The following PRRG4 variants were observed in gnomAD, a reference collection of about 807,000 sequenced individuals.
The protein encoded by PRRG4 is transmembrane gamma-carboxyglutamic acid protein 4.
Under a neutral mutation model 20.0 loss-of-function variants are expected in PRRG4, and 12 were observed. The observed-to-expected ratio is 0.60, with a 90% confidence interval of 0.38 to 0.97. The LOEUF is 0.97. Ranked by LOEUF, PRRG4 falls within the 50% of genes least tolerant of loss-of-function variation. The pLI is 0.00. For synonymous variants in PRRG4, 94 were observed against 96.4 expected, an observed-to-expected ratio of 0.98 and a Z score of 0.15; for missense variants, 199 against 265.1, an observed-to-expected ratio of 0.75 and a Z score of 1.73.
At position 32,836,644 on chromosome 11, in the gene PRRG4, C is replaced by A; in HGVS notation, c.104-14C>A. On this transcript the variant is annotated splice_polypyrimidine_tract_variant and intron_variant, in intron 2 of 5. Transcript: ENST00000257836. ...ATTTGATCAATGTTTAAGTCTTTTTCATTACTTTATTAGTGTTTACATCAA... is the reference window on the plus strand; with the variant it reads ...ATTTGATCAATGTTTAAGTCTTTTTAATTACTTTATTAGTGTTTACATCAA... 2 of 1,449,880 alleles carry A rather than the reference C, an allele frequency of 1.4e-6. No individual in the cohort carries two copies. The highest frequency in any genetic ancestry group is 1.9e-6 in the Non-Finnish European group (2 of 1,052,956). The allele number at this position is 1,449,880 out of a possible 1,614,324, so 89.8% of individuals were successfully genotyped here.
At chr11:32,851,683 G>A (rs962306245) in intron 5 of PRRG4, among the ~76,000 whole-genome samples, 2 of 152,140 alleles carry the variant, frequency 1.3e-5, no homozygotes, top group African/African-American at 4.8e-5. Flanking sequence ...GCAGTATTTT[G>A]GGCCTGCTAA....
intron 1 of PRRG4, 35 bp from the exon 2 acceptor site, chr11:32,830,473 C>CA (rs1554973240): frequency 8.4e-7 from 1 of 1,194,390 alleles, no homozygotes; most frequent in Non-Finnish European, 1.1e-6. Flanking sequence ...AGCTAGGGGC[C>CA]TTTTTTTTTT....
At chr11:32,845,289 C>A (rs1249961510) in intron 5 of PRRG4, among the ~76,000 whole-genome samples, 1 of 151,988 alleles carries the variant, frequency 6.6e-6, no homozygotes, top group Non-Finnish European at 1.5e-5. Flanking sequence ...TTGAGTGAGG[C>A]AACTACATAA....
chr11:32,848,431 T>C (rs1027107287), intron 5 of PRRG4, among the ~76,000 whole-genome samples: 2 of 152,100 alleles, frequency 1.3e-5, no homozygotes, highest in Admixed American at 6.6e-5. Context: ...TATTGTTTCT[T>C]ATGTACAGAG....
At chr11:32,841,707 G>C (rs1316070736) in intron 5 of PRRG4, among the ~76,000 whole-genome samples, 1 of 152,032 alleles carries the variant, frequency 6.6e-6, no homozygotes, top group African/African-American at 2.4e-5. Flanking sequence ...CTGCTTGTGG[G>C]GCTGAGGTGG....
intron 5 of PRRG4, among the ~76,000 whole-genome samples, chr11:32,842,610 C>A (rs1011793067): frequency 6.6e-6 from 1 of 151,802 alleles, no homozygotes; most frequent in African/African-American, 2.4e-5. Flanking sequence ...ATCCCAGCTA[C>A]TCGGGAGGCT....
intron 2 of PRRG4, 43 bp downstream of exon 2, chr11:32,830,675 A>G: frequency 6.2e-7 from 1 of 1,612,118 alleles, no homozygotes; most frequent in Non-Finnish European, 8.5e-7. Context: ...CGCATAGCAC[A>G]GATCTCAGTG....
chr11:32,853,591 C>A lies in PRRG4; in HGVS notation c.*64C>A. Reference sequence around the variant, plus strand: ...GATAGGCCGGGCATGGTGGCTCATGCCTGTAATCCCAGCACTTTGGGAGGC... The same window carrying A: ...GATAGGCCGGGCATGGTGGCTCATGACTGTAATCCCAGCACTTTGGGAGGC... On this transcript the variant is annotated 3_prime_UTR_variant, in exon 6 of 6. Coordinates refer to ENST00000257836, the MANE Select transcript of PRRG4 (RefSeq NM_024081.6). 1 of 1,299,082 alleles carries A rather than the reference C, an allele frequency of 7.7e-7. No homozygotes were observed. Among genetic ancestry groups the A allele is most frequent in the Non-Finnish European group, 1.1e-6 (1 of 913,790 alleles). 80.5% of individuals were successfully genotyped at this position (1,299,082 alleles called of 1,614,324 possible). A position where few individuals can be genotyped will look rare whatever the true frequency, so the allele number is the denominator to read the frequency against.
In PRRG4 at chr11:32,840,158, C is replaced by A. The variant is rs1173015489; in HGVS notation, c.368C>A (p.Ala123Asp). The change falls in exon 5 of 6, where the codon GCT (alanine) becomes GAT (aspartate). Residue 123 changes from alanine to aspartate, a missense_variant. Transcript: ENST00000257836. This position sits in a 1 kb window ranked among gnomAD's most constrained non-coding sequence, Gnocchi z 4.1. Reference sequence around the variant, plus strand: ...ATGGGCCTTCTGACTGGATTAATTGCTGCTGGAGTATTTTTGGTTATTTTT... The same window carrying A: ...ATGGGCCTTCTGACTGGATTAATTGATGCTGGAGTATTTTTGGTTATTTTT... ...DVMGLLTGLI[A>D]AGVFLVIFGL... The A allele has an allele frequency of 6.2e-7, 1 of 1,607,796 alleles. No individual in the cohort carries two copies. Among genetic ancestry groups the A allele is most frequent in the South Asian group, 1.1e-5 (1 of 90,876 alleles).
At position 32,840,869 on chromosome 11, in the gene PRRG4, T is replaced by C. The variant is rs1851071295; in HGVS notation, c.449+630T>C. 6.6e-6 allele frequency among the ~76,000 whole-genome samples: 1 copy of C among 152,230 alleles called. No homozygotes were observed. The highest frequency in any genetic ancestry group is 1.5e-5 in the Non-Finnish European group (1 of 68,044). On this transcript the variant is annotated intron_variant, in intron 5 of 5. Coordinates refer to ENST00000257836, the MANE Select transcript of PRRG4 (RefSeq NM_024081.6). This position sits in a 1 kb window ranked among gnomAD's most constrained non-coding sequence, Gnocchi z 4.1. Reference sequence around the variant, plus strand: ...AGTGTAACTGGCTTTTAAATTCAACTATTTTTATTAACACTTTAAATTGAA... The same window carrying C: ...AGTGTAACTGGCTTTTAAATTCAACCATTTTTATTAACACTTTAAATTGAA...
Position 32,830,363 on chromosome 11 carries a change from G to A in PRRG4, c.-22-145G>A, listed in dbSNP as rs1008103728. 11 of 836,280 alleles carry A rather than the reference G, an allele frequency of 1.3e-5. 1 individual carries two copies. The East Asian group carries it at 3.3e-4, about 25-fold the overall frequency. 51.8% of individuals were successfully genotyped at this position (836,280 alleles called of 1,614,324 possible). ...CTCAGGGGCTGCTTCCTGGGCGCGCGTCGGGTTCCGGCGACCGAAACCGCG... is the reference window on the plus strand; with the variant it reads ...CTCAGGGGCTGCTTCCTGGGCGCGCATCGGGTTCCGGCGACCGAAACCGCG... On this transcript the variant is annotated intron_variant, in intron 1 of 5. Transcript: ENST00000257836.
intron 5 of PRRG4, among the ~76,000 whole-genome samples, chr11:32,845,554 C>T (rs1274883599): frequency 6.6e-6 from 1 of 151,500 alleles, no homozygotes; most frequent in Non-Finnish European, 1.5e-5. Context: ...GTGGCGTGAA[C>T]CCGGGAGCTT....
At chr11:32,838,758 T>G (rs1335429950) in intron 3 of PRRG4, 124 bp from the exon 4 acceptor site, 1 of 652,272 alleles carries the variant, frequency 1.5e-6, no homozygotes, top group African/African-American at 1.8e-5. Context: ...CCAGCTTGAA[T>G]GAACTGGTCT....
At chr11:32,834,761 TTGTG>T (rs1361181075) in intron 2 of PRRG4, among the ~76,000 whole-genome samples, 6 of 152,182 alleles carry the variant, frequency 3.9e-5, no homozygotes, top group Admixed American at 2.0e-4. Context: ...TTTGAAATCC[TTGTG>T]TGTATTTTAC....
At chr11:32,845,363 C>T (rs554339100) in intron 5 of PRRG4, among the ~76,000 whole-genome samples, 78 of 152,242 alleles carry the variant, frequency 5.1e-4, no homozygotes, top group Admixed American at 4.3e-3. Flanking sequence ...CGGTGGCTCA[C>T]GTCTGTAATC....
intron 3 of PRRG4, among the ~76,000 whole-genome samples, chr11:32,838,133 A>G (rs1851041369): frequency 6.6e-6 from 1 of 152,124 alleles, no homozygotes; most frequent in African/African-American, 2.4e-5. Flanking sequence ...TGTCTCAACA[A>G]TGTCTTCCCA....
intron 5 of PRRG4, among the ~76,000 whole-genome samples, chr11:32,845,217 A>T (rs945017913): frequency 1.3e-5 from 2 of 152,122 alleles, no homozygotes; most frequent in Non-Finnish European, 1.5e-5. Context: ...CTCATTTAGT[A>T]CTCTCAGTAT....
rs1851234017 is a variant in PRRG4 at position 32,857,233 on chromosome 11, C to A, written c.*3706C>A. On this transcript the variant is annotated 3_prime_UTR_variant, in exon 6 of 6. Coordinates refer to ENST00000257836, the MANE Select transcript of PRRG4 (RefSeq NM_024081.6). The stretch of plus-strand genomic sequence containing the variant: ...GTGGAGTGATCATGGCTCACTGCAA[C>A]CTCCGCCTCCCAGGTTCAAGGATTT... 1.3e-5 allele frequency: 2 copies of A among 151,448 alleles called. No individual in the cohort carries two copies. Among genetic ancestry groups the A allele is most frequent in the South Asian group, 2.1e-4 (1 of 4,818 alleles). 9.4% of individuals were successfully genotyped at this position (151,448 alleles called of 1,614,324 possible).
chr11:32,842,614 G>C (rs1344038386), intron 5 of PRRG4, among the ~76,000 whole-genome samples: 1 of 151,846 alleles, frequency 6.6e-6, no homozygotes, highest in Admixed American at 6.6e-5. Context: ...CAGCTACTCG[G>C]GAGGCTGAGG....
Sources: gnomAD v4.1 joint callset for allele counts (sites outside exome capture counted in the v4.1 genomes callset) on GRCh38, gnomAD v4.1.1 for gene constraint, Gnocchi (gnomAD v3.1) non-coding constraint, MANE v1.5 for transcripts, NCBI Gene and HGNC (gene_info 2026-07-23, HGNC 2026-07-21) for gene names.